Variants in AGPAT4 observed in about 807,000 individuals in gnomAD.
The protein encoded by AGPAT4 is 1-acylglycerol-3-phosphate O-acyltransferase 4, also known as 1-acyl-sn-glycerol-3-phosphate acyltransferase delta.
Under a neutral mutation model 48.0 loss-of-function variants are expected in AGPAT4, and 15 were observed. The ratio of observed to expected loss-of-function variants is 0.31; its 90% CI spans 0.21 to 0.48. The LOEUF is 0.48. Ranked by LOEUF, AGPAT4 falls within the 20% of genes least tolerant of loss-of-function variation. The probability of loss-of-function intolerance (pLI) is 0.99; values close to 1 mark genes in which losing one functional copy is unlikely to be tolerated. For missense variants in AGPAT4, 314 were observed against 482.5 expected, an observed-to-expected ratio of 0.65 and a Z score of 3.27; for synonymous variants, 178 against 198.7, an observed-to-expected ratio of 0.90 and a Z score of 0.88.
chr6:161,186,917 C>T (rs1780785265), intron 2 of AGPAT4, among the ~76,000 whole-genome samples: 1 of 152,230 alleles, frequency 6.6e-6, no homozygotes, highest in Admixed American at 6.5e-5. Context: ...AATAAGACCA[C>T]CCACTTGCCC....
rs6455714 is a variant in AGPAT4 at position 161,238,715 on chromosome 6, A to G, written c.-89-6413T>C. 0.37 allele frequency among the ~76,000 whole-genome samples: 56,908 copies of G among 152,038 alleles called. 12,450 individuals are homozygous for G. The highest frequency in any genetic ancestry group is 0.6 in the African/African-American group (24,825 of 41,428). On this transcript the variant is annotated intron_variant, in intron 1 of 8. Coordinates refer to ENST00000320285, the MANE Select transcript of AGPAT4 (RefSeq NM_020133.3). The surrounding 1 kb of genome is among the most constrained non-coding windows in gnomAD (Gnocchi z 5.2). ...GAATTGTAGTTCCCATAATCTCCACATGTCGTGGGAGGGAACCAGTGGGAG... is the reference window on the plus strand; with the variant it reads ...GAATTGTAGTTCCCATAATCTCCACGTGTCGTGGGAGGGAACCAGTGGGAG...
At chr6:161,188,518 C>T (rs542794732) in intron 2 of AGPAT4, among the ~76,000 whole-genome samples, 36 of 152,282 alleles carry the variant, frequency 2.4e-4, no homozygotes, top group African/African-American at 8.2e-4. Flanking sequence ...TACCCCATTA[C>T]ATTTGAATTT....
At chr6:161,194,704 T>G (rs1410379485) in intron 2 of AGPAT4, among the ~76,000 whole-genome samples, 1 of 152,132 alleles carries the variant, frequency 6.6e-6, no homozygotes, top group East Asian at 1.9e-4. Flanking sequence ...GTATTGTGTG[T>G]GCGTATGTAT....
Position 161,242,306 on chromosome 6 carries a change from A to G in AGPAT4, c.-89-10004T>C, listed in dbSNP as rs188801948. ...CGCTCTTAATGCTGCCTATAAGACA[A>G]GAAGCCCAACATGATAGACTTCATG... is the stretch of plus-strand genomic sequence containing the variant. On this transcript the variant is annotated intron_variant, in intron 1 of 8. Transcript: ENST00000320285. The surrounding 1 kb of genome is among the most constrained non-coding windows in gnomAD (Gnocchi z 5.0). Among the ~76,000 whole-genome samples the G allele has an allele frequency of 1.3e-5, 2 of 152,336 alleles. No individual in the cohort carries two copies. Among genetic ancestry groups the G allele is most frequent in the Non-Finnish European group, 2.9e-5 (2 of 68,032 alleles).
rs1339134163 is a variant in AGPAT4 at position 161,138,909 on chromosome 6, ATACCGGTC to A, written c.1042+505_1042+512del. On this transcript the variant is annotated intron_variant, in intron 8 of 8. Transcript: ENST00000320285. The surrounding 1 kb of genome is among the most constrained non-coding windows in gnomAD (Gnocchi z 4.8). Reference sequence around the variant, plus strand: ...ACCAAGAAGCAGCAGTAGCCCGAGAATACCGGTCACCTGGAGCCAGCGCAGACCCATGA... The same window carrying A: ...ACCAAGAAGCAGCAGTAGCCCGAGAAACCTGGAGCCAGCGCAGACCCATGA... 2.0e-5 allele frequency among the ~76,000 whole-genome samples: 3 copies of A among 152,090 alleles called. No homozygotes were observed. Among genetic ancestry groups the A allele is most frequent in the African/African-American group, 7.2e-5 (3 of 41,408 alleles).
At chr6:161,207,684 C>T (rs1384435578) in intron 2 of AGPAT4, among the ~76,000 whole-genome samples, 5 of 152,022 alleles carry the variant, frequency 3.3e-5, no homozygotes, top group East Asian at 1.9e-4. Context: ...TGTTAGAAAG[C>T]GATATTCCTT....
rs949764184 is a variant in AGPAT4, at chr6:161,148,493, C to T, written c.767+694G>A. 6.6e-6 allele frequency among the ~76,000 whole-genome samples: 1 copy of T among 152,162 alleles called. No homozygotes were observed. The highest frequency in any genetic ancestry group is 2.4e-5 in the African/African-American group (1 of 41,428). ...TCTTGAATCAGAAGGTTATACGCCC[C>T]TGGATTAGTTCTCCATTAGTGGGCA... On this transcript the variant is annotated intron_variant, in intron 6 of 8. Coordinates refer to ENST00000320285, the MANE Select transcript of AGPAT4 (RefSeq NM_020133.3). This position sits in a 1 kb window ranked among gnomAD's most constrained non-coding sequence, Gnocchi z 5.5.
chr6:161,136,187 A>C lies in AGPAT4; in HGVS notation c.*353T>G, dbSNP rs1270142150. ...CAAGGGTTACAGAAAACTCAGCACC[A>C]AAGGATGAAAGGGGAACTTGTCCCC... On this transcript the variant is annotated 3_prime_UTR_variant, in exon 9 of 9. Coordinates refer to ENST00000320285, the MANE Select transcript of AGPAT4 (RefSeq NM_020133.3). The C allele has an allele frequency of 8.2e-6, 2 of 243,526 alleles. No individual in the cohort carries two copies. Among genetic ancestry groups the C allele is most frequent in the Middle Eastern group, 1.5e-3 (1 of 674 alleles). The allele number at this position is 243,526 out of a possible 1,614,324, so 15.1% of individuals were successfully genotyped here. A position where few individuals can be genotyped will look rare whatever the true frequency, so the allele number is the denominator to read the frequency against.
Position 161,270,696 on chromosome 6 carries a change from C to A in AGPAT4, c.-90+3242G>T, listed in dbSNP as rs1026290648. On this transcript the variant is annotated intron_variant, in intron 1 of 8. Coordinates refer to ENST00000320285, the MANE Select transcript of AGPAT4 (RefSeq NM_020133.3). This position sits in a 1 kb window ranked among gnomAD's most constrained non-coding sequence, Gnocchi z 5.3. ...ACTCGGGAGGCTGAGGCAGGAGAAT[C>A]GCTTGAATCCAGGAGGGGGAGGTTG... Among the ~76,000 whole-genome samples, 5 of 152,240 alleles carry A rather than the reference C, an allele frequency of 3.3e-5. No individual in the cohort carries two copies. The highest frequency in any genetic ancestry group is 6.8e-3 in the Middle Eastern group (2 of 294).
rs780268841 is a variant in AGPAT4, at chr6:161,236,421, C to A, written c.-89-4119G>T. On this transcript the variant is annotated intron_variant, in intron 1 of 8. Coordinates refer to ENST00000320285, the MANE Select transcript of AGPAT4 (RefSeq NM_020133.3). This position sits in a 1 kb window ranked among gnomAD's most constrained non-coding sequence, Gnocchi z 5.0. The stretch of plus-strand genomic sequence containing the variant: ...TTCCCATCAGTGAGCTCAGAAGCAG[C>A]GTTTAACCTTTACTTTTTCCTGAAA... Among the ~76,000 whole-genome samples the A allele has an allele frequency of 6.6e-6, 1 of 152,096 alleles. No homozygotes were observed. The highest frequency in any genetic ancestry group is 1.5e-5 in the Non-Finnish European group (1 of 68,024).
Position 161,262,878 on chromosome 6 carries a change from C to A in AGPAT4, c.-90+11060G>T, listed in dbSNP as rs997093503. 6.6e-6 allele frequency among the ~76,000 whole-genome samples: 1 copy of A among 152,074 alleles called. No homozygotes were observed. Among genetic ancestry groups the A allele is most frequent in the Non-Finnish European group, 1.5e-5 (1 of 68,020 alleles). On this transcript the variant is annotated intron_variant, in intron 1 of 8. Transcript: ENST00000320285. The surrounding 1 kb of genome is among the most constrained non-coding windows in gnomAD (Gnocchi z 4.9). Reference sequence around the variant, plus strand: ...GTGCTGATGAAAGATGCCAGCGAGCCGTGAGAGCTGAGGTGGCCAGTCCTT... The same window carrying A: ...GTGCTGATGAAAGATGCCAGCGAGCAGTGAGAGCTGAGGTGGCCAGTCCTT...
intron 2 of AGPAT4, among the ~76,000 whole-genome samples, chr6:161,176,237 G>A (rs1167547544): frequency 6.6e-6 from 1 of 152,168 alleles, no homozygotes; most frequent in Non-Finnish European, 1.5e-5. Context: ...ACAGTGGGGT[G>A]TTAAAGTCTC....
chr6:161,171,156 G>A lies in AGPAT4; in HGVS notation c.179-4739C>T, dbSNP rs1234974238. Reference sequence around the variant, plus strand: ...TTGTTTAGTTAAGGGAAAATCACCTGTTGAGAGTTTCAGGTTGCAATCCTG... The same window carrying A: ...TTGTTTAGTTAAGGGAAAATCACCTATTGAGAGTTTCAGGTTGCAATCCTG... On this transcript the variant is annotated intron_variant, in intron 2 of 8. Coordinates refer to ENST00000320285, the MANE Select transcript of AGPAT4 (RefSeq NM_020133.3). The surrounding 1 kb of genome is among the most constrained non-coding windows in gnomAD (Gnocchi z 4.4). Among the ~76,000 whole-genome samples the A allele has an allele frequency of 6.6e-6, 1 of 152,218 alleles. No individual in the cohort carries two copies. The highest frequency in any genetic ancestry group is 1.5e-5 in the Non-Finnish European group (1 of 68,034).
In AGPAT4 at chr6:161,260,655, C is replaced by CAAAAAA. The variant is rs377444402; in HGVS notation, c.-90+13277_-90+13282dup. 2.6e-4 allele frequency among the ~76,000 whole-genome samples: 12 copies of CAAAAAA among 45,670 alleles called. No homozygotes were observed. The East Asian group carries it at 8.0e-3, about 30-fold the overall frequency. The allele number at this position is 45,670 out of a possible 152,430, so 30.0% of individuals were successfully genotyped here. Reference sequence around the variant, plus strand: ...TGGGCCACAAAAGGAGACTACGTCTCAAAAAAAAAAAAAAAAAAAAAAAAA... The same window carrying CAAAAAA: ...TGGGCCACAAAAGGAGACTACGTCTCAAAAAAAAAAAAAAAAAAAAAAAAAAAAAAA... On this transcript the variant is annotated intron_variant, in intron 1 of 8. Transcript: ENST00000320285.
rs1282953518 is a variant in AGPAT4, at chr6:161,133,727, T to C, written c.*2813A>G. On this transcript the variant is annotated 3_prime_UTR_variant, in exon 9 of 9. Transcript: ENST00000320285. Reference sequence around the variant, plus strand: ...ACTGCTCTCCAGATTTCACTCAAGGTTCGTATTTTTCTCTGCCACCTTGAA... The same window carrying C: ...ACTGCTCTCCAGATTTCACTCAAGGCTCGTATTTTTCTCTGCCACCTTGAA... 6.6e-6 allele frequency: 1 copy of C among 152,140 alleles called. No individual in the cohort carries two copies. Among genetic ancestry groups the C allele is most frequent in the Admixed American group, 6.6e-5 (1 of 15,266 alleles). 9.4% of individuals were successfully genotyped at this position (152,140 alleles called of 1,614,324 possible).
chr6:161,192,903 G>A (rs1780965219), intron 2 of AGPAT4, among the ~76,000 whole-genome samples: 1 of 152,128 alleles, frequency 6.6e-6, no homozygotes, highest in Non-Finnish European at 1.5e-5. Context: ...TTTGGAAGGT[G>A]GTCTGTCACT....
At chr6:161,203,375 T>C (rs1781288736) in intron 2 of AGPAT4, among the ~76,000 whole-genome samples, 1 of 102,260 alleles carries the variant, frequency 9.8e-6, no homozygotes, top group African/African-American at 4.9e-5. Context: ...AGTGTTCTTT[T>C]TCTTTCTTTT....
intron 1 of AGPAT4, among the ~76,000 whole-genome samples, chr6:161,269,017 A>T (rs1783348256): frequency 6.6e-6 from 1 of 152,236 alleles, no homozygotes; most frequent in Non-Finnish European, 1.5e-5. Context: ...CTTGCAGTGT[A>T]TTATGGGAAA....
intron 1 of AGPAT4, among the ~76,000 whole-genome samples, chr6:161,241,047 G>T (rs1782470311): frequency 6.6e-6 from 1 of 152,026 alleles, no homozygotes; most frequent in South Asian, 2.1e-4. Context: ...GGTGGATCAT[G>T]AGGTCAGGAG....
Sources: gnomAD v4.1 joint callset for allele counts (sites outside exome capture counted in the v4.1 genomes callset) on GRCh38, gnomAD v4.1.1 for gene constraint, Gnocchi (gnomAD v3.1) non-coding constraint, MANE v1.5 for transcripts, NCBI Gene and HGNC (gene_info 2026-07-23, HGNC 2026-07-21) for gene names.